The following DENND1A variants were observed in gnomAD, a reference collection of about 807,000 sequenced individuals.
DENND1A encodes the protein DENN domain-containing protein 1A.
DENND1A carries 51 observed loss-of-function variants against 113.7 expected under a neutral mutation model. The observed-to-expected ratio is 0.45, with a 90% CI of 0.36 to 0.57. The LOEUF is 0.57. DENND1A is among the 20% of genes least tolerant of loss of function. The probability of loss-of-function intolerance (pLI) is 0.00; values close to 1 mark genes in which losing one functional copy is unlikely to be tolerated. For synonymous variants in DENND1A, 565 were observed against 570.8 expected (o/e 0.99, Z 0.14); for missense variants, 1,258 against 1,395.9 (o/e 0.90, Z 1.57).
chr9:123,568,035 T>TC (rs2058148872), intron 12 of DENND1A, among the ~76,000 whole-genome samples: 1 of 152,184 alleles, frequency 6.6e-6, no homozygotes, highest in Admixed American at 6.5e-5. Flanking sequence ...ACAAAGGTGT[T>TC]CACAAATGCC....
chr9:123,575,347 A>C (rs1203596386), intron 12 of DENND1A, among the ~76,000 whole-genome samples: 6 of 152,088 alleles, frequency 3.9e-5, no homozygotes, highest in Non-Finnish European at 8.8e-5. Flanking sequence ...GGTCATGCTC[A>C]CTCGCTGCTC....
chr9:123,586,277 G>A (rs1268467621), intron 11 of DENND1A, among the ~76,000 whole-genome samples: 1 of 152,136 alleles, frequency 6.6e-6, no homozygotes, highest in Non-Finnish European at 1.5e-5. Context: ...TGTTGATTCT[G>A]GACCAGAATC....
chr9:123,587,515 C>A (rs182671130), intron 11 of DENND1A, among the ~76,000 whole-genome samples: 12 of 152,246 alleles, frequency 7.9e-5, no homozygotes, highest in Admixed American at 7.8e-4. Context: ...CTAGAAGAGC[C>A]GTGGCAAGAT....
At chr9:123,545,470 GTTCT>G (rs2056602110) in intron 13 of DENND1A, among the ~76,000 whole-genome samples, 2 of 151,030 alleles carry the variant, frequency 1.3e-5, no homozygotes, top group South Asian at 4.2e-4. Flanking sequence ...CCTGTCTCCT[GTTCT>G]TTTTTTTTTT....
intron 5 of DENND1A, among the ~76,000 whole-genome samples, chr9:123,688,898 T>TA (rs11430188): frequency 0.065 from 9,925 of 152,206 alleles, 371 homozygotes; most frequent in South Asian, 0.1. Flanking sequence ...AATTTGTTGT[T>TA]AAAAAAACTC....
chr9:123,762,600 C>T (rs531921410), intron 4 of DENND1A, among the ~76,000 whole-genome samples: 1 of 152,368 alleles, frequency 6.6e-6, no homozygotes, highest in African/African-American at 2.4e-5. Flanking sequence ...ACACTGGGCA[C>T]TGTAACAAGT....
At chr9:123,702,684 T>C (rs1169616199) in intron 5 of DENND1A, among the ~76,000 whole-genome samples, 1 of 152,108 alleles carries the variant, frequency 6.6e-6, no homozygotes, top group African/African-American at 2.4e-5. Context: ...AAAAATACTG[T>C]CAACCAAGAA....
intron 8 of DENND1A, among the ~76,000 whole-genome samples, chr9:123,665,222 G>C (rs1207664323): frequency 2.0e-5 from 3 of 152,078 alleles, no homozygotes; most frequent in Non-Finnish European, 4.4e-5. Flanking sequence ...ATTTCCTGTA[G>C]GATATTGAAT....
intron 19 of DENND1A, among the ~76,000 whole-genome samples, chr9:123,412,474 A>C (rs917461136): frequency 6.6e-6 from 1 of 152,166 alleles, no homozygotes; most frequent in African/African-American, 2.4e-5. Flanking sequence ...GACCTCTTAC[A>C]GGTCTATCTC....
At position 123,387,877 on chromosome 9, in the gene DENND1A, AAAGAG is replaced by A. The variant is rs933957183; in HGVS notation, c.1632-24_1632-20del. 71 of 1,288,824 alleles carry A rather than the reference AAAGAG, an allele frequency of 5.5e-5. No individual in the cohort carries two copies. Among genetic ancestry groups the A allele is most frequent in the Non-Finnish European group, 6.9e-5 (68 of 987,982 alleles). 79.8% of individuals were successfully genotyped at this position (1,288,824 alleles called of 1,614,324 possible). A position where few individuals can be genotyped will look rare whatever the true frequency, so the allele number is the denominator to read the frequency against. On this transcript the variant is annotated intron_variant, in intron 21 of 23. Coordinates refer to ENST00000394215, the MANE Select transcript of DENND1A (RefSeq NM_001352964.2). ...TACCAGGCTGGGGCAGAGGAAGACA[AAAGAG>A]AAGAGAACAGGCAGTTAGGGGCGCC...
chr9:123,557,170 T>C (rs2057466304), intron 13 of DENND1A, among the ~76,000 whole-genome samples: 1 of 152,214 alleles, frequency 6.6e-6, no homozygotes, highest in Non-Finnish European at 1.5e-5. Context: ...CCATCTGGCT[T>C]TTCCGGGCTA....
At chr9:123,708,775 A>C (rs1002880829) in intron 5 of DENND1A, among the ~76,000 whole-genome samples, 1 of 152,210 alleles carries the variant, frequency 6.6e-6, no homozygotes, top group Non-Finnish European at 1.5e-5. Context: ...AAACAAAAAA[A>C]GAAAAGACTA....
At chr9:123,568,924 G>A (rs1381844692) in intron 12 of DENND1A, among the ~76,000 whole-genome samples, 1 of 152,176 alleles carries the variant, frequency 6.6e-6, no homozygotes, top group Non-Finnish European at 1.5e-5. Flanking sequence ...TAAAAGAGCT[G>A]ACAGAAATTC....
At chr9:123,817,923 A>T (rs1837763871) in intron 2 of DENND1A, among the ~76,000 whole-genome samples, 1 of 151,492 alleles carries the variant, frequency 6.6e-6, no homozygotes, top group African/African-American at 2.4e-5. Context: ...GCTACTTGGG[A>T]GGCTGAGGCA....
At chr9:123,408,677 G>A (rs1358130644) in intron 20 of DENND1A, among the ~76,000 whole-genome samples, 4 of 152,144 alleles carry the variant, frequency 2.6e-5, no homozygotes, top group South Asian at 2.1e-4. Flanking sequence ...CAAAGCTAGC[G>A]CCAGGCTAGT....
intron 2 of DENND1A, among the ~76,000 whole-genome samples, chr9:123,820,080 T>G (rs1247166438): frequency 6.6e-6 from 1 of 152,070 alleles, no homozygotes; most frequent in Admixed American, 6.6e-5. Flanking sequence ...ACAGTGATGA[T>G]CTGGGGGTAA....
At chr9:123,438,895 C>A (rs1393184373) in intron 19 of DENND1A, among the ~76,000 whole-genome samples, 2 of 152,066 alleles carry the variant, frequency 1.3e-5, no homozygotes, top group Non-Finnish European at 2.9e-5. Flanking sequence ...TTTTGTGTTT[C>A]GAAAATGGAA....
At chr9:123,432,003 T>G (rs1318462658) in intron 19 of DENND1A, among the ~76,000 whole-genome samples, 1 of 152,174 alleles carries the variant, frequency 6.6e-6, no homozygotes, top group Non-Finnish European at 1.5e-5. Context: ...GTTTTGCACC[T>G]GGATTTTCAC....
intron 6 of DENND1A, among the ~76,000 whole-genome samples, chr9:123,672,013 A>G (rs996438894): frequency 1.3e-5 from 2 of 152,246 alleles, no homozygotes; most frequent in African/African-American, 2.4e-5. Context: ...TTCTCCCACC[A>G]TGTGGAATTC....
Sources: allele counts gnomAD v4.1 joint callset (sites outside exome capture counted in the v4.1 genomes callset), GRCh38; gene constraint gnomAD v4.1.1; transcripts MANE v1.5; gene names NCBI Gene and HGNC (gene_info 2026-07-23, HGNC 2026-07-21).